The following CD9 variants were observed in gnomAD, a reference collection of about 807,000 sequenced individuals.
CD9 encodes CD9 molecule.
In CD9, 10 loss-of-function variants were observed where a neutral mutation model predicts 31.4. That is an observed-to-expected ratio of 0.32 (90% CI 0.20 to 0.54). The LOEUF (loss-of-function observed/expected upper bound fraction) is 0.54. Among genes scored for constraint, CD9 ranks in the 20% least tolerant of loss-of-function variants. The pLI is 0.94. For missense variants in CD9, 259 were observed against 300.1 expected (o/e 0.86, Z 1.01); for synonymous variants, 113 against 114.1 (o/e 0.99, Z 0.06).
At chr12:6,202,200 T>A (rs1946085567) in intron 1 of CD9, among the ~76,000 whole-genome samples, 1 of 152,134 alleles carries the variant, frequency 6.6e-6, no homozygotes, top group Non-Finnish European at 1.5e-5. Context: ...CCCCAGTGCA[T>A]CAGTCACCAT....
chr12:6,224,097 C>T (rs1946330197), intron 1 of CD9, among the ~76,000 whole-genome samples: 1 of 152,128 alleles, frequency 6.6e-6, no homozygotes, highest in Non-Finnish European at 1.5e-5. Context: ...AGTCCACAGG[C>T]TGGGAGTGCA....
intron 2 of CD9, among the ~76,000 whole-genome samples, chr12:6,230,920 C>T (rs1050770285): frequency 2.6e-5 from 4 of 152,214 alleles, no homozygotes; most frequent in South Asian, 2.1e-4. Context: ...GAGGAACAAA[C>T]GCTCTCTGTG....
intron 4 of CD9, among the ~76,000 whole-genome samples, chr12:6,234,008 A>G (rs1228738417): frequency 6.7e-6 from 1 of 149,314 alleles, no homozygotes; most frequent in East Asian, 2.0e-4. Flanking sequence ...GATAAGGGTC[A>G]TAGAGGTGAT....
intron 1 of CD9, among the ~76,000 whole-genome samples, chr12:6,214,433 ACCT>A (rs1362718874): frequency 1.5e-5 from 2 of 130,404 alleles, no homozygotes; most frequent in Non-Finnish European, 3.1e-5. Context: ...TGCAGCCTTG[ACCT>A]CCTGGATTTA....
chr12:6,203,476 G>A (rs1946097096), intron 1 of CD9, among the ~76,000 whole-genome samples: 1 of 152,106 alleles, frequency 6.6e-6, no homozygotes, highest in Non-Finnish European at 1.5e-5. Context: ...GCTGAGAGGG[G>A]GTGTCCAACA....
At position 6,225,551 on chromosome 12, in the gene CD9, G is replaced by C. The variant is rs1310963269; in HGVS notation, c.175+17G>C. On this transcript the variant is annotated intron_variant, in intron 2 of 7. Transcript: ENST00000009180. ...TCTACACAGGTGAGGGACGGGGAAG[G>C]CTCAGTGAATTCAGACCCTGGCTCC... is the stretch of plus-strand genomic sequence containing the variant. The C allele has an allele frequency of 1.3e-6, 2 of 1,505,078 alleles. No homozygotes were observed. The highest frequency in any genetic ancestry group is 2.2e-5 in the South Asian group (2 of 88,904). 93.2% of individuals were successfully genotyped at this position (1,505,078 alleles called of 1,614,324 possible).
rs544273111 is a variant in CD9 at position 6,217,916 on chromosome 12, C to T, written c.67-7510C>T. Among the ~76,000 whole-genome samples, 94 of 152,252 alleles carry T rather than the reference C, an allele frequency of 6.2e-4. 1 individual carries two copies. The highest frequency in any genetic ancestry group is 2.2e-3 in the African/African-American group (93 of 41,544). On this transcript the variant is annotated intron_variant, in intron 1 of 7. Coordinates refer to ENST00000009180, the MANE Select transcript of CD9 (RefSeq NM_001769.4). ...AGGCAGCTGAATAGAGGAAGCATAA[C>T]AAATATTTTGTCCTTTTTAAAAAAT...
At chr12:6,208,653 C>T (rs1041942316) in intron 1 of CD9, among the ~76,000 whole-genome samples, 1 of 151,840 alleles carries the variant, frequency 6.6e-6, no homozygotes, top group Non-Finnish European at 1.5e-5. Context: ...CTCACCGCAA[C>T]CTCCGCCTCC....
At chr12:6,221,835 G>A (rs964151847) in intron 1 of CD9, among the ~76,000 whole-genome samples, 5 of 150,924 alleles carry the variant, frequency 3.3e-5, no homozygotes, top group African/African-American at 9.8e-5. Flanking sequence ...AAAAAAAAAG[G>A]GTTTAAAATA....
chr12:6,225,477 C>T lies in CD9; in HGVS notation c.118C>T (p.Gln40Ter). The change falls in exon 2 of 8, where the codon CAG (glutamine) becomes TAG (stop). Residue 40 changes from glutamine (Q) to a stop codon, truncating the protein, a stop_gained. Coordinates refer to ENST00000009180, the MANE Select transcript of CD9 (RefSeq NM_001769.4). LOFTEE classifies it high-confidence loss of function. ...AIGLWLRFDS[Q>*]TKSIFEQETN... is the part of the protein sequence containing the mutation. ...TGGACTATGGCTCCGATTCGACTCT[C>T]AGACCAAGAGCATCTTCGAGCAAGA... The T allele has an allele frequency of 6.2e-7, 1 of 1,613,934 alleles. No individual in the cohort carries two copies. The highest frequency in any genetic ancestry group is 8.5e-7 in the Non-Finnish European group (1 of 1,179,796).
intron 4 of CD9, among the ~76,000 whole-genome samples, chr12:6,233,841 C>A (rs79638431): frequency 7.9e-4 from 120 of 151,728 alleles, no homozygotes; most frequent in Middle Eastern, 3.4e-3. Context: ...GGGCTGGACA[C>A]CCTTGCCTCC....
rs1946456691 is a variant in CD9 at position 6,232,367 on chromosome 12, G to C, written c.176-265G>C. 1 of 552,666 alleles carries C rather than the reference G, an allele frequency of 1.8e-6. No individual in the cohort carries two copies. Among genetic ancestry groups the C allele is most frequent in the Non-Finnish European group, 3.3e-6 (1 of 307,442 alleles). 34.2% of individuals were successfully genotyped at this position (552,666 alleles called of 1,614,324 possible). Reference sequence around the variant, plus strand: ...CTCTGTCCTGGATTGAGGGCTAATGGGCACCTTCCAGAAGGGCTGAGGGTA... The same window carrying C: ...CTCTGTCCTGGATTGAGGGCTAATGCGCACCTTCCAGAAGGGCTGAGGGTA... On this transcript the variant is annotated intron_variant, in intron 2 of 7. Coordinates refer to ENST00000009180, the MANE Select transcript of CD9 (RefSeq NM_001769.4). The surrounding 1 kb of genome is among the most constrained non-coding windows in gnomAD (Gnocchi z 4.8).
At chr12:6,213,288 G>T (rs1272482145) in intron 1 of CD9, among the ~76,000 whole-genome samples, 2 of 152,176 alleles carry the variant, frequency 1.3e-5, no homozygotes, top group East Asian at 3.8e-4. Context: ...CATCACACAA[G>T]ATCAGTCAAT....
chr12:6,216,809 C>A (rs980797681), intron 1 of CD9, among the ~76,000 whole-genome samples: 9 of 152,160 alleles, frequency 5.9e-5, no homozygotes, highest in Non-Finnish European at 1.2e-4. Context: ...CCGCCTTCTC[C>A]GATCACAGGA....
chr12:6,201,935 G>A (rs1201824303), intron 1 of CD9, among the ~76,000 whole-genome samples: 1 of 152,226 alleles, frequency 6.6e-6, no homozygotes, highest in East Asian at 1.9e-4. Flanking sequence ...CTACTCAGGA[G>A]GCTGAGATGA....
intron 5 of CD9, 56 bp downstream of exon 5, chr12:6,235,383 A>G (rs1272009322): frequency 6.2e-7 from 1 of 1,614,110 alleles, no homozygotes; most frequent in East Asian, 2.2e-5. Context: ...GTGTCTGCAC[A>G]CAGGGTGCTG....
chr12:6,222,999 G>T (rs1201641199), intron 1 of CD9, among the ~76,000 whole-genome samples: 3 of 152,214 alleles, frequency 2.0e-5, no homozygotes, highest in Non-Finnish European at 4.4e-5. Flanking sequence ...ATAAGCACAA[G>T]CCTAGAGCAA....
chr12:6,223,882 G>A (rs1381129998), intron 1 of CD9, among the ~76,000 whole-genome samples: 1 of 152,134 alleles, frequency 6.6e-6, no homozygotes, highest in Non-Finnish European at 1.5e-5. Context: ...CTCCCTCACT[G>A]GCCTTTTATT....
chr12:6,210,951 C>T (rs540381244), intron 1 of CD9, among the ~76,000 whole-genome samples: 1 of 151,992 alleles, frequency 6.6e-6, no homozygotes, highest in African/African-American at 2.4e-5. Context: ...ATTGAACAGC[C>T]TCAGCCTCCC....
Sources: allele counts gnomAD v4.1 joint callset (sites outside exome capture counted in the v4.1 genomes callset), GRCh38; gene constraint gnomAD v4.1.1; non-coding constraint Gnocchi (gnomAD v3.1); transcripts MANE v1.5; gene names NCBI Gene and HGNC (gene_info 2026-07-23, HGNC 2026-07-21).